Variants in NCOA3 observed in about 807,000 individuals in gnomAD.
The protein encoded by NCOA3 is nuclear receptor coactivator 3.
In NCOA3, 51 loss-of-function variants were observed where a neutral mutation model predicts 158.8. The observed-to-expected ratio is 0.32, with a 90% CI of 0.26 to 0.41. The LOEUF (loss-of-function observed/expected upper bound fraction) is 0.41. Ranked by LOEUF, NCOA3 falls within the 10% of genes least tolerant of loss-of-function variation. The pLI is 1.00. For synonymous variants in NCOA3, 537 were observed against 592.4 expected (o/e 0.91, Z 1.36); for missense variants, 1,510 against 1,746.6 (o/e 0.86, Z 2.41).
intron 8 of NCOA3, chr20:47,631,048 G>C (rs1568739785): frequency 6.6e-6 from 1 of 152,314 alleles, no homozygotes; most frequent in South Asian, 2.1e-4. Context: ...AAAGATTACT[G>C]AGGATGTCCA....
At chr20:47,519,845 T>C (rs2146077841) in intron 1 of NCOA3, among the ~76,000 whole-genome samples, 1 of 152,036 alleles carries the variant, frequency 6.6e-6, no homozygotes, top group East Asian at 1.9e-4. Context: ...CACTGCAACC[T>C]CTGCCTCCCA....
chr20:47,561,771 A>G (rs1264622637), intron 1 of NCOA3, among the ~76,000 whole-genome samples: 1 of 152,164 alleles, frequency 6.6e-6, no homozygotes, highest in Non-Finnish European at 1.5e-5. Flanking sequence ...CTGACACATC[A>G]TCACCTAGAG....
At chr20:47,533,098 C>CT in intron 1 of NCOA3, among the ~76,000 whole-genome samples, 1 of 101,548 alleles carries the variant, frequency 9.8e-6, no homozygotes, top group South Asian at 3.5e-4. Context: ...GAGCAAGACT[C>CT]TGTCTCAAAA....
intron 1 of NCOA3, among the ~76,000 whole-genome samples, chr20:47,555,340 T>C (rs559053740): frequency 8.9e-4 from 136 of 152,308 alleles, no homozygotes; most frequent in African/African-American, 2.8e-3. Context: ...AAAAAGAATA[T>C]TGGAGTGGGA....
intron 1 of NCOA3, among the ~76,000 whole-genome samples, chr20:47,580,673 A>G (rs2085439159): frequency 6.6e-6 from 1 of 152,162 alleles, no homozygotes; most frequent in South Asian, 2.1e-4. Context: ...AACATAAGAG[A>G]ACCATTTTAG....
intron 4 of NCOA3, among the ~76,000 whole-genome samples, chr20:47,625,046 T>G (rs910255514): frequency 6.6e-6 from 1 of 152,218 alleles, no homozygotes; most frequent in African/African-American, 2.4e-5. Context: ...GTGCTGGGAT[T>G]ACAGGTGTGA....
At chr20:47,618,581 C>T (rs1027096274) in intron 2 of NCOA3, among the ~76,000 whole-genome samples, 3 of 152,018 alleles carry the variant, frequency 2.0e-5, no homozygotes, top group Non-Finnish European at 2.9e-5. Flanking sequence ...CTCGAACTCC[C>T]GACCTCAGGT....
At chr20:47,563,370 T>C (rs1322299674) in intron 1 of NCOA3, among the ~76,000 whole-genome samples, 2 of 152,102 alleles carry the variant, frequency 1.3e-5, no homozygotes, top group Non-Finnish European at 2.9e-5. Flanking sequence ...ACCACTCTGA[T>C]AGGGGATGTT....
intron 2 of NCOA3, among the ~76,000 whole-genome samples, chr20:47,596,350 A>G (rs2085755467): frequency 6.6e-6 from 1 of 152,184 alleles, no homozygotes; most frequent in Non-Finnish European, 1.5e-5. Context: ...ATTCATTTTT[A>G]CCATCCCTGT....
intron 16 of NCOA3, among the ~76,000 whole-genome samples, chr20:47,640,745 G>A (rs1279593708): frequency 1.3e-5 from 2 of 150,896 alleles, no homozygotes; most frequent in Non-Finnish European, 3.0e-5. Context: ...AAAATTAGCC[G>A]GGTGTGGTGG....
intron 1 of NCOA3, among the ~76,000 whole-genome samples, chr20:47,528,285 G>A (rs965512662): frequency 6.6e-6 from 1 of 152,128 alleles, no homozygotes; most frequent in Non-Finnish European, 1.5e-5. Flanking sequence ...ATAGTAAATT[G>A]TCTACTGTAC....
intron 1 of NCOA3, among the ~76,000 whole-genome samples, chr20:47,531,753 T>C (rs561100817): frequency 6.6e-5 from 10 of 152,340 alleles, no homozygotes; most frequent in African/African-American, 2.2e-4. Context: ...TCCCTCAGCC[T>C]AAATTTCCGT....
intron 1 of NCOA3, among the ~76,000 whole-genome samples, chr20:47,574,963 G>A (rs1739201101): frequency 6.6e-6 from 1 of 152,076 alleles, no homozygotes; most frequent in Non-Finnish European, 1.5e-5. Flanking sequence ...TAAGTATTAA[G>A]GAATGGAAAT....
intron 8 of NCOA3, among the ~76,000 whole-genome samples, chr20:47,632,613 C>A (rs1379596060): frequency 6.6e-6 from 1 of 151,538 alleles, no homozygotes; most frequent in Non-Finnish European, 1.5e-5. Flanking sequence ...GTCTCGAACT[C>A]TTGACCTTGT....
intron 2 of NCOA3, among the ~76,000 whole-genome samples, chr20:47,596,891 A>G (rs2085765509): frequency 6.6e-6 from 1 of 152,214 alleles, no homozygotes. Flanking sequence ...TACTAAGCCA[A>G]AAGTAAATTT....
At chr20:47,608,531 C>T (rs372378639) in intron 2 of NCOA3, among the ~76,000 whole-genome samples, 1 of 148,378 alleles carries the variant, frequency 6.7e-6, no homozygotes, top group Non-Finnish European at 1.5e-5. Flanking sequence ...TCCAGCTACT[C>T]GGGAGGCTGA....
chr20:47,551,612 A>G (rs1351254262), intron 1 of NCOA3, among the ~76,000 whole-genome samples: 1 of 152,188 alleles, frequency 6.6e-6, no homozygotes, highest in African/African-American at 2.4e-5. Flanking sequence ...TGGAAGATAA[A>G]TTTTCTTACT....
chr20:47,634,695 C>T (rs1304580305), intron 10 of NCOA3, among the ~76,000 whole-genome samples: 2 of 152,142 alleles, frequency 1.3e-5, no homozygotes, highest in African/African-American at 4.8e-5. Flanking sequence ...CTCCAGTTAA[C>T]ATAGCTGTTG....
chr20:47,578,665 C>T (rs1407213730), intron 1 of NCOA3, among the ~76,000 whole-genome samples: 5 of 152,194 alleles, frequency 3.3e-5, no homozygotes, highest in Admixed American at 2.6e-4. Context: ...TGGATTTTGA[C>T]GTTAAATTTA....
Sources: gnomAD v4.1 joint callset for allele counts (sites outside exome capture counted in the v4.1 genomes callset) on GRCh38, gnomAD v4.1.1 for gene constraint, MANE v1.5 for transcripts, NCBI Gene and HGNC (gene_info 2026-07-23, HGNC 2026-07-21) for gene names.